GLB1: variants seen among roughly 807,000 people sequenced by gnomAD.
The protein encoded by GLB1 is galactosidase beta 1.
Under a neutral mutation model 74.0 loss-of-function variants are expected in GLB1, and 56 were observed. That is an observed-to-expected ratio of 0.76 (90% confidence interval 0.61 to 0.94). The LOEUF is 0.94. GLB1 is among the 40% of genes least tolerant of loss of function. The pLI is 0.00. For missense variants in GLB1, 787 were observed against 845.5 expected (o/e 0.93, Z 0.86); for synonymous variants, 323 against 323.6 (o/e 1.00, Z 0.02).
chr3:32,987,397 G>C, the GLB1 span, among the ~76,000 whole-genome samples: 29 of 152,176 alleles, frequency 1.9e-4, no homozygotes, highest in Admixed American at 7.9e-4. Flanking sequence ...TAGTCTCCTT[G>C]CTTACCTTTA....
chr3:33,005,682 G>T (rs1696757710), intron 15 of GLB1, among the ~76,000 whole-genome samples: 1 of 152,114 alleles, frequency 6.6e-6, no homozygotes, highest in African/African-American at 2.4e-5. Flanking sequence ...TTTTTGTAGA[G>T]ATGAGGTCTT....
intron 1 of GLB1, chr3:33,096,254 G>T: frequency 2.6e-6 from 1 of 378,150 alleles, no homozygotes; most frequent in Non-Finnish European, 3.6e-6. Context: ...GCGCTTTGGA[G>T]CCCCTCAGCC....
At chr3:33,069,028 C>T (rs1239935564) in intron 2 of GLB1, 58 bp from the exon 3 acceptor site, 23 of 1,613,572 alleles carry the variant, frequency 1.4e-5, no homozygotes, top group African/African-American at 6.7e-5. Flanking sequence ...AAGAAAGAAG[C>T]GTGGGGAAAG....
At chr3:33,091,240 C>T in intron 1 of GLB1, 4 of 985,472 alleles carry the variant, frequency 4.1e-6, no homozygotes, top group Non-Finnish European at 4.8e-6. Context: ...TTTTAAACTG[C>T]ATGGTATGGC....
rs568627547 is a variant in GLB1 at position 33,077,510 on chromosome 3, C to T, written c.76-4797G>A. 5 of 735,698 alleles carry T rather than the reference C, an allele frequency of 6.8e-6. No homozygotes were observed. In the South Asian group the frequency reaches 8.6e-5, roughly 13 times the overall value. 45.6% of individuals were successfully genotyped at this position (735,698 alleles called of 1,614,324 possible). ...CTACTAAAAAGGGAACCTCCCACTT[C>T]ACTCCAGAACTCTGTTCTTTACAGA... is the stretch of plus-strand genomic sequence containing the variant. On this transcript the variant is annotated intron_variant, in intron 1 of 15. Transcript: ENST00000307363.
At chr3:33,091,920 G>T in intron 1 of GLB1, 5 of 985,406 alleles carry the variant, frequency 5.1e-6, no homozygotes, top group Non-Finnish European at 6.0e-6. Flanking sequence ...CAAAAGCACC[G>T]CTTTTACTGG....
the GLB1 span, among the ~76,000 whole-genome samples, chr3:32,978,334 G>A: frequency 6.9e-3 from 1,043 of 151,656 alleles, 19 homozygotes; most frequent in African/African-American, 0.024. Flanking sequence ...TGAGAGTTGC[G>A]AAGAACAATC....
intron 1 of GLB1, among the ~76,000 whole-genome samples, chr3:33,077,683 CTT>C (rs34139339): frequency 6.8e-6 from 1 of 147,144 alleles, no homozygotes. Flanking sequence ...AAGTATATTA[CTT>C]TTTTTTTTTT....
At chr3:33,034,636 G>T in intron 10 of GLB1, 1 of 726,436 alleles carries the variant, frequency 1.4e-6, no homozygotes, top group Non-Finnish European at 2.6e-6. Flanking sequence ...ATGATGTCAT[G>T]TAGCATGCGG....
intron 1 of GLB1, chr3:33,092,112 A>C: frequency 1.0e-6 from 1 of 985,474 alleles, no homozygotes; most frequent in Non-Finnish European, 1.2e-6. Context: ...TGAATTCCTA[A>C]GCAGCCATGT....
At chr3:32,972,626 T>C in the GLB1 span, among the ~76,000 whole-genome samples, 2 of 152,212 alleles carry the variant, frequency 1.3e-5, no homozygotes, top group Non-Finnish European at 2.9e-5. Flanking sequence ...ACCGTGCAGT[T>C]GATGACATTA....
chr3:33,085,228 T>C (rs888420468), intron 1 of GLB1, among the ~76,000 whole-genome samples: 19 of 137,062 alleles, frequency 1.4e-4, no homozygotes, highest in African/African-American at 4.5e-4. Context: ...TGAGTAGTGA[T>C]GGTGCCACTG....
chr3:33,005,271 G>A (rs947734605), intron 15 of GLB1, among the ~76,000 whole-genome samples: 2 of 152,138 alleles, frequency 1.3e-5, no homozygotes, highest in Non-Finnish European at 2.9e-5. Flanking sequence ...TTAGGGCCCT[G>A]GAACCAGGGA....
chr3:33,075,246 C>A (rs142755917), intron 1 of GLB1, among the ~76,000 whole-genome samples: 2,110 of 152,256 alleles, frequency 0.014, 52 homozygotes, highest in African/African-American at 0.047. Context: ...TGGGAACATT[C>A]ATTAGACAGG....
intron 1 of GLB1, chr3:33,096,359 G>A: frequency 1.0e-6 from 1 of 978,360 alleles, no homozygotes; most frequent in Non-Finnish European, 1.2e-6. Context: ...CGCCAGCCCT[G>A]CCCCGATCAA....
intron 10 of GLB1, among the ~76,000 whole-genome samples, chr3:33,044,200 C>A (rs1698650560): frequency 6.6e-6 from 1 of 152,146 alleles, no homozygotes; most frequent in Non-Finnish European, 1.5e-5. Flanking sequence ...CTAGGCTCAG[C>A]AGCTTTCAAG....
chr3:33,033,640 G>A (rs994247979), intron 10 of GLB1, among the ~76,000 whole-genome samples: 3 of 152,152 alleles, frequency 2.0e-5, no homozygotes, highest in Non-Finnish European at 4.4e-5. Flanking sequence ...AATTAGCTAG[G>A]TGTGGTGGCG....
chr3:33,065,622 A>G, intron 4 of GLB1, 65 bp from the exon 5 acceptor site: 1 of 1,528,720 alleles, frequency 6.5e-7, no homozygotes, highest in African/African-American at 1.4e-5. Context: ...CATGCAGCCC[A>G]GGATGGCTTT....
intron 9 of GLB1, 70 bp downstream of exon 9, chr3:33,051,688 A>C: frequency 6.2e-7 from 1 of 1,609,220 alleles, no homozygotes; most frequent in Non-Finnish European, 8.5e-7. Flanking sequence ...GTCTGTGGGC[A>C]CACCCCTCCT....
Sources: gnomAD v4.1 joint callset for allele counts (sites outside exome capture counted in the v4.1 genomes callset) on GRCh38, gnomAD v4.1.1 for gene constraint, MANE v1.5 for transcripts, NCBI Gene and HGNC (gene_info 2026-07-23, HGNC 2026-07-21) for gene names.